The following LAMA2 variants were observed in gnomAD, a reference collection of about 807,000 sequenced individuals.
The protein encoded by LAMA2 is laminin subunit alpha-2.
LAMA2 carries 269 observed loss-of-function variants against 364.8 expected under a neutral mutation model. The observed-to-expected ratio is 0.74, with a 90% CI of 0.67 to 0.82. The LOEUF (loss-of-function observed/expected upper bound fraction) is 0.82. Ranked by LOEUF, LAMA2 falls within the 40% of genes least tolerant of loss-of-function variation. The pLI is 0.00. For missense variants in LAMA2, 3,807 were observed against 3,873.2 expected, an observed-to-expected ratio of 0.98 and a Z score of 0.45; for synonymous variants, 1,379 against 1,370.6, an observed-to-expected ratio of 1.01 and a Z score of -0.14.
At chr6:129,507,403 A>C in intron 61 of LAMA2, 86 bp from the exon 62 acceptor site, 2 of 1,394,732 alleles carry the variant, frequency 1.4e-6, no homozygotes, top group African/African-American at 1.4e-5. Flanking sequence ...CTACACACAT[A>C]GAGCACCCTG....
chr6:128,940,089 T>C (rs1780062682), intron 1 of LAMA2, among the ~76,000 whole-genome samples: 1 of 149,982 alleles, frequency 6.7e-6, no homozygotes, highest in Non-Finnish European at 1.5e-5. Context: ...AAGTTATGTT[T>C]TGTTCATAAT....
chr6:129,016,439 C>T (rs569961833), intron 1 of LAMA2, among the ~76,000 whole-genome samples: 3 of 151,832 alleles, frequency 2.0e-5, no homozygotes, highest in Non-Finnish European at 4.4e-5. Flanking sequence ...CAAATGACAT[C>T]GCTATTGGCA....
At chr6:129,025,612 G>C (rs1352939641) in intron 1 of LAMA2, among the ~76,000 whole-genome samples, 1 of 152,010 alleles carries the variant, frequency 6.6e-6, no homozygotes. Flanking sequence ...AAATTAAATT[G>C]AAAAAATTTA....
intron 40 of LAMA2, among the ~76,000 whole-genome samples, chr6:129,407,367 A>G (rs1780301188): frequency 6.6e-6 from 1 of 152,230 alleles, no homozygotes; most frequent in African/African-American, 2.4e-5. Flanking sequence ...TATACCTAAC[A>G]TAATACAGCT....
intron 1 of LAMA2, among the ~76,000 whole-genome samples, chr6:128,891,565 A>G (rs1476681986): frequency 6.6e-6 from 1 of 152,052 alleles, no homozygotes; most frequent in East Asian, 1.9e-4. Context: ...ATAAAACATG[A>G]AACATCTAGT....
chr6:128,922,691 G>A (rs1000367304), intron 1 of LAMA2, among the ~76,000 whole-genome samples: 1 of 152,012 alleles, frequency 6.6e-6, no homozygotes, highest in African/African-American at 2.4e-5. Flanking sequence ...TTCTTTTGCT[G>A]TGCAGAAGCT....
intron 3 of LAMA2, among the ~76,000 whole-genome samples, chr6:129,096,122 T>C (rs1775172571): frequency 6.6e-6 from 1 of 152,234 alleles, no homozygotes; most frequent in African/African-American, 2.4e-5. Flanking sequence ...GTATGTTTCT[T>C]GTTGAATTTC....
chr6:129,240,441 A>G (rs551111728), intron 12 of LAMA2, among the ~76,000 whole-genome samples: 1 of 152,308 alleles, frequency 6.6e-6, no homozygotes, highest in Non-Finnish European at 1.5e-5. Flanking sequence ...TTTTTCTGGT[A>G]TACTTGATAG....
In LAMA2 at chr6:129,278,404, C is replaced by A. The variant is rs912883029; in HGVS notation, c.2451-1657C>A. Reference sequence around the variant, plus strand: ...TAGATGATGAGATAGTTACAGAATGCCAATTTTCAAAGAAGACATATATAT... The same window carrying A: ...TAGATGATGAGATAGTTACAGAATGACAATTTTCAAAGAAGACATATATAT... On this transcript the variant is annotated intron_variant, in intron 17 of 64. Coordinates refer to ENST00000421865, the MANE Select transcript of LAMA2 (RefSeq NM_000426.4). Among the ~76,000 whole-genome samples the A allele has an allele frequency of 4.6e-5, 7 of 152,208 alleles. No homozygotes were observed. In the East Asian group the frequency reaches 1.4e-3, roughly 29 times the overall value.
At chr6:128,910,246 T>G (rs200466422) in intron 1 of LAMA2, among the ~76,000 whole-genome samples, 4 of 136,002 alleles carry the variant, frequency 2.9e-5, no homozygotes, top group African/African-American at 8.0e-5. Context: ...CAACTTGGTT[T>G]CATTCTCCCC....
At position 129,300,910 on chromosome 6, in the gene LAMA2, A is replaced by G. The variant is rs902373; in HGVS notation, c.3174+38A>G. 0.42 allele frequency: 668,253 copies of G among 1,608,002 alleles called. 144,614 individuals are homozygous for G. Among genetic ancestry groups the G allele is most frequent in the Middle Eastern group, 0.48 (2,914 of 6,046 alleles). On this transcript the variant is annotated intron_variant, in intron 22 of 64. Transcript: ENST00000421865. ...CTTTTTTGCTCTGATAATTTTTTGG[A>G]GAGATTTTTGTTTTGTAGAGCTCTG...
chr6:129,162,680 A>C (rs903988416), intron 8 of LAMA2, among the ~76,000 whole-genome samples: 3 of 151,584 alleles, frequency 2.0e-5, no homozygotes, highest in African/African-American at 7.3e-5. Context: ...TCTTTGTTCT[A>C]TATATATATA....
chr6:128,980,889 C>T (rs1044459912), intron 1 of LAMA2, among the ~76,000 whole-genome samples: 12 of 152,044 alleles, frequency 7.9e-5, no homozygotes, highest in African/African-American at 4.8e-5. Flanking sequence ...ACCTGAAACG[C>T]GAATCATTGG....
intron 1 of LAMA2, among the ~76,000 whole-genome samples, chr6:129,029,067 A>G (rs147715634): frequency 2.0e-4 from 30 of 152,064 alleles, no homozygotes; most frequent in African/African-American, 6.3e-4. Flanking sequence ...GTAGTATAAA[A>G]ATAGACAAAA....
chr6:129,122,805 T>C (rs552273521), intron 4 of LAMA2, among the ~76,000 whole-genome samples: 11 of 152,302 alleles, frequency 7.2e-5, no homozygotes, highest in African/African-American at 2.4e-4. Flanking sequence ...TTCTAGCTGG[T>C]TCCTGAGCAA....
chr6:129,172,837 A>G (rs531699751), intron 9 of LAMA2, among the ~76,000 whole-genome samples: 1 of 152,364 alleles, frequency 6.6e-6, no homozygotes, highest in South Asian at 2.1e-4. Flanking sequence ...CCATGGGCGT[A>G]GGACCCTCCA....
At chr6:129,378,460 T>A (rs9483018) in intron 34 of LAMA2, among the ~76,000 whole-genome samples, 3,355 of 152,324 alleles carry the variant, frequency 0.022, 125 homozygotes, top group African/African-American at 0.077. Context: ...CTCTCGTGGG[T>A]ATTTTTGACC....
At chr6:128,904,912 G>A (rs896764116) in intron 1 of LAMA2, among the ~76,000 whole-genome samples, 1 of 152,112 alleles carries the variant, frequency 6.6e-6, no homozygotes, top group Non-Finnish European at 1.5e-5. Context: ...TGTATGTGTG[G>A]GAGATAACAG....
chr6:129,149,244 GC>G (rs1422227690), intron 7 of LAMA2, 148 bp downstream of exon 7: 1 of 692,086 alleles, frequency 1.4e-6, no homozygotes, highest in Non-Finnish European at 2.6e-6. Context: ...CATATGTCTA[GC>G]TTTTCCTAAA....
Sources: allele counts gnomAD v4.1 joint callset (sites outside exome capture counted in the v4.1 genomes callset), GRCh38; gene constraint gnomAD v4.1.1; transcripts MANE v1.5; gene names NCBI Gene and HGNC (gene_info 2026-07-23, HGNC 2026-07-21).